GALNT17: variants seen among roughly 807,000 people sequenced by gnomAD.
The protein encoded by GALNT17 is polypeptide N-acetylgalactosaminyltransferase 17.
A neutral mutation model predicts 63.7 loss-of-function variants in GALNT17; 29 were observed. That is an observed-to-expected ratio of 0.46 (90% CI 0.34 to 0.62). GALNT17 has a LOEUF of 0.62. Among genes scored for constraint, GALNT17 ranks in the 20% least tolerant of loss-of-function variants. The probability of loss-of-function intolerance (pLI) is 0.01; values close to 1 mark genes in which losing one functional copy is unlikely to be tolerated. For synonymous variants in GALNT17, 305 were observed against 318.3 expected (o/e 0.96, Z 0.45); for missense variants, 603 against 799.6 (o/e 0.75, Z 2.97).
intron 1 of GALNT17, among the ~76,000 whole-genome samples, chr7:71,165,350 C>T (rs923645849): frequency 6.6e-6 from 1 of 152,154 alleles, no homozygotes; most frequent in Non-Finnish European, 1.5e-5. Flanking sequence ...AAAGTCATAC[C>T]TGGGACTGGG....
rs1186599524 is a variant in GALNT17 at position 71,183,721 on chromosome 7, A to AC, written c.238+50686dup. ...AGACCAGCCTGGGCAACATGGTGAA[A>AC]CCCCCACTGTACGAAAAATAACAAA... On this transcript the variant is annotated intron_variant, in intron 1 of 10. Transcript: ENST00000333538. 4.5e-3 allele frequency among the ~76,000 whole-genome samples: 684 copies of AC among 151,838 alleles called. 3 individuals carry two copies. The highest frequency in any genetic ancestry group is 0.015 in the African/African-American group (638 of 41,244).
intron 2 of GALNT17, among the ~76,000 whole-genome samples, chr7:71,388,018 G>T (rs575762519): frequency 5.3e-5 from 8 of 152,202 alleles, no homozygotes; most frequent in Admixed American, 5.2e-4. Flanking sequence ...CACCTGTAGG[G>T]TGGTGAATCT....
At chr7:71,383,568 G>C (rs2116326503) in intron 2 of GALNT17, among the ~76,000 whole-genome samples, 1 of 152,078 alleles carries the variant, frequency 6.6e-6, no homozygotes. Context: ...GCTCCTGAGT[G>C]GCTGAAACTG....
chr7:71,247,772 G>GA, intron 1 of GALNT17, among the ~76,000 whole-genome samples: 1 of 152,174 alleles, frequency 6.6e-6, no homozygotes, highest in South Asian at 2.1e-4. Flanking sequence ...GTCTACTGTT[G>GA]ACCAGAAGTC....
chr7:71,305,103 G>A (rs1791265405), intron 1 of GALNT17, among the ~76,000 whole-genome samples: 1 of 152,214 alleles, frequency 6.6e-6, no homozygotes, highest in African/African-American at 2.4e-5. Context: ...AGAGGTAGAT[G>A]TAGCTATAGA....
At chr7:71,371,780 G>T (rs2707439) in intron 2 of GALNT17, among the ~76,000 whole-genome samples, 1 of 152,020 alleles carries the variant, frequency 6.6e-6, no homozygotes, top group African/African-American at 2.4e-5. Context: ...GAAGGGAGAC[G>T]TGCACTATTA....
chr7:71,350,948 A>C (rs1211271574), intron 2 of GALNT17, among the ~76,000 whole-genome samples: 1 of 152,184 alleles, frequency 6.6e-6, no homozygotes, highest in African/African-American at 2.4e-5. Flanking sequence ...TAAGATCAGC[A>C]TGGCCAACAT....
intron 1 of GALNT17, among the ~76,000 whole-genome samples, chr7:71,206,105 G>A (rs1258583945): frequency 1.3e-5 from 2 of 148,568 alleles, no homozygotes; most frequent in Non-Finnish European, 3.0e-5. Context: ...GTTCATGTGT[G>A]TGTATACATA....
At chr7:71,643,745 A>G (rs1272341250) in intron 6 of GALNT17, among the ~76,000 whole-genome samples, 1 of 152,212 alleles carries the variant, frequency 6.6e-6, no homozygotes, top group African/African-American at 2.4e-5. Flanking sequence ...TTGTTCAAAC[A>G]GACCCCAGGC....
In GALNT17 at chr7:71,571,533, T is replaced by C. The variant is rs865941294; in HGVS notation, c.1080+131T>C. The C allele has an allele frequency of 1.8e-5, 14 of 758,862 alleles. No homozygotes were observed. The Middle Eastern group carries it at 3.2e-3, about 175-fold the overall frequency. The allele number at this position is 758,862 out of a possible 1,614,324, so 47.0% of individuals were successfully genotyped here. On this transcript the variant is annotated intron_variant, in intron 6 of 10. Transcript: ENST00000333538. ...AGATTCATTTACTCCACCTTGTTCC[T>C]GGGGGATGCATGAGCTGCACTGTCA...
chr7:71,342,630 A>T (rs747561215), intron 2 of GALNT17, among the ~76,000 whole-genome samples: 1 of 152,232 alleles, frequency 6.6e-6, no homozygotes, highest in Non-Finnish European at 1.5e-5. Flanking sequence ...AAAAATGTAA[A>T]TATTTCATAT....
intron 5 of GALNT17, among the ~76,000 whole-genome samples, chr7:71,530,811 G>A (rs571525657): frequency 5.9e-5 from 9 of 151,964 alleles, no homozygotes; most frequent in East Asian, 5.8e-4. Context: ...CTTGTGATCC[G>A]TCCGCCTCGG....
chr7:71,394,933 C>G (rs1387616448), intron 3 of GALNT17, among the ~76,000 whole-genome samples: 1 of 151,998 alleles, frequency 6.6e-6, no homozygotes, highest in Non-Finnish European at 1.5e-5. Flanking sequence ...GAAACCTTGT[C>G]TCTACTAAAA....
intron 2 of GALNT17, among the ~76,000 whole-genome samples, chr7:71,346,670 T>A (rs1315068253): frequency 6.8e-6 from 1 of 146,600 alleles, no homozygotes; most frequent in East Asian, 2.0e-4. Context: ...TTCTCCTCTA[T>A]GATGGGGTTG....
chr7:71,146,336 T>TGAGGA (rs1788023271), intron 1 of GALNT17, among the ~76,000 whole-genome samples: 1 of 152,154 alleles, frequency 6.6e-6, no homozygotes, highest in East Asian at 1.9e-4. Flanking sequence ...GTCCTCTCAC[T>TGAGGA]CCTTCTGGAT....
intron 3 of GALNT17, among the ~76,000 whole-genome samples, chr7:71,410,160 C>T (rs1793404513): frequency 6.6e-6 from 1 of 152,066 alleles, no homozygotes; most frequent in Non-Finnish European, 1.5e-5. Flanking sequence ...CACTAAGAAA[C>T]TATGATGAAA....
Position 71,643,414 on chromosome 7 carries a change from G to A in GALNT17, c.1081-21997G>A, listed in dbSNP as rs934126719. Among the ~76,000 whole-genome samples, 8 of 152,168 alleles carry A rather than the reference G, an allele frequency of 5.3e-5. No homozygotes were observed. The East Asian group carries it at 1.5e-3, about 29-fold the overall frequency. Reference sequence around the variant, plus strand: ...ACCCAGGAGGCGGAGGTTGCAGTGAGCTGAGATTGCACCACTACACTCCAA... The same window carrying A: ...ACCCAGGAGGCGGAGGTTGCAGTGAACTGAGATTGCACCACTACACTCCAA... On this transcript the variant is annotated intron_variant, in intron 6 of 10. Transcript: ENST00000333538.
intron 3 of GALNT17, among the ~76,000 whole-genome samples, chr7:71,389,176 C>T (rs1313892967): frequency 6.6e-6 from 1 of 151,964 alleles, no homozygotes; most frequent in Non-Finnish European, 1.5e-5. Context: ...CTCCATCACC[C>T]AGGCTGGAGT....
chr7:71,637,073 T>C (rs962605112), intron 6 of GALNT17, among the ~76,000 whole-genome samples: 3 of 152,216 alleles, frequency 2.0e-5, no homozygotes. Context: ...CAGTAGCACA[T>C]AACTCATCAT....
Sources: gnomAD v4.1 joint callset for allele counts (sites outside exome capture counted in the v4.1 genomes callset) on GRCh38, gnomAD v4.1.1 for gene constraint, MANE v1.5 for transcripts, NCBI Gene and HGNC (gene_info 2026-07-23, HGNC 2026-07-21) for gene names.